Variants in APBA2 observed in about 807,000 individuals in gnomAD.
The protein encoded by APBA2 is amyloid beta precursor protein binding family A member 2.
A neutral mutation model predicts 75.0 loss-of-function variants in APBA2; 30 were observed. The observed-to-expected ratio is 0.40, with a 90% CI of 0.30 to 0.54. The LOEUF is 0.54. Among genes scored for constraint, APBA2 ranks in the 20% least tolerant of loss-of-function variants. The probability of loss-of-function intolerance (pLI) is 0.49; values close to 1 mark genes in which losing one functional copy is unlikely to be tolerated. For missense variants in APBA2, 801 were observed against 1,016.1 expected (o/e 0.79, Z 2.88); for synonymous variants, 444 against 409.6 (o/e 1.08, Z -1.01).
intron 6 of APBA2, among the ~76,000 whole-genome samples, chr15:29,085,397 C>T (rs943197832): frequency 3.3e-5 from 5 of 151,714 alleles, no homozygotes; most frequent in South Asian, 2.1e-4. Context: ...TGGTGGCGGG[C>T]GCCTATAGTC....
chr15:29,007,492 T>G (rs951612031), intron 3 of APBA2, among the ~76,000 whole-genome samples: 1 of 152,216 alleles, frequency 6.6e-6, no homozygotes, highest in Admixed American at 6.5e-5. Context: ...GATAAAGGGT[T>G]AATAGCCAGA....
chr15:29,065,980 C>T (rs1218899826), intron 4 of APBA2, among the ~76,000 whole-genome samples: 1 of 152,174 alleles, frequency 6.6e-6, no homozygotes, highest in Non-Finnish European at 1.5e-5. Context: ...TCGGGTGTGA[C>T]GTCAGGGTGG....
At position 28,991,716 on chromosome 15, in the gene APBA2, C is replaced by G. The variant is rs376378750; in HGVS notation, c.-94-4037C>G. ...TCTTTGATGCACCCTGATGCCTCCC[C>G]CATCCTGCTGACCATGGTGCTCAGC... is the stretch of plus-strand genomic sequence containing the variant. On this transcript the variant is annotated intron_variant, in intron 2 of 14. Coordinates refer to ENST00000683413, the MANE Select transcript of APBA2 (RefSeq NM_001353788.2). The surrounding 1 kb of genome is among the most constrained non-coding windows in gnomAD (Gnocchi z 4.7). 6.6e-6 allele frequency among the ~76,000 whole-genome samples: 1 copy of G among 152,212 alleles called. No homozygotes were observed. Among genetic ancestry groups the G allele is most frequent in the Non-Finnish European group, 1.5e-5 (1 of 68,038 alleles).
chr15:28,933,107 C>G (rs951833625), intron 2 of APBA2, among the ~76,000 whole-genome samples: 4 of 152,154 alleles, frequency 2.6e-5, no homozygotes, highest in African/African-American at 2.4e-5. Context: ...CTAACCCACT[C>G]TCGCGATAAT....
chr15:29,053,589 C>T (rs927972966), intron 3 of APBA2, among the ~76,000 whole-genome samples: 2 of 152,056 alleles, frequency 1.3e-5, no homozygotes, highest in African/African-American at 4.8e-5. Flanking sequence ...TGGGGAGAGG[C>T]GTGTGTCCTC....
chr15:29,090,347 A>G (rs1352381672), intron 6 of APBA2, among the ~76,000 whole-genome samples: 1 of 152,196 alleles, frequency 6.6e-6, no homozygotes, highest in Non-Finnish European at 1.5e-5. Flanking sequence ...CCCCAGAGCT[A>G]CTGACGCTCA....
At chr15:28,913,976 G>A (rs2033553936) in intron 1 of APBA2, among the ~76,000 whole-genome samples, 1 of 152,176 alleles carries the variant, frequency 6.6e-6, no homozygotes, top group Non-Finnish European at 1.5e-5. Context: ...TAGGAACACT[G>A]GGGCCCTGGA....
intron 3 of APBA2, among the ~76,000 whole-genome samples, chr15:29,008,310 G>T (rs1378322637): frequency 6.6e-6 from 1 of 152,194 alleles, no homozygotes; most frequent in Admixed American, 6.5e-5. Context: ...GAGATGGATG[G>T]TCATGATGGT....
intron 3 of APBA2, among the ~76,000 whole-genome samples, chr15:29,051,908 T>C (rs1773013863): frequency 1.3e-5 from 2 of 152,184 alleles, no homozygotes; most frequent in South Asian, 4.1e-4. Context: ...CCTAAGGTCC[T>C]CACTGAGCCA....
chr15:29,057,084 C>T (rs1394430444), intron 4 of APBA2, among the ~76,000 whole-genome samples: 1 of 152,270 alleles, frequency 6.6e-6, no homozygotes, highest in East Asian at 1.9e-4. Flanking sequence ...ATGCTCACCT[C>T]TCTGATCCCA....
At chr15:28,971,705 A>G (rs907908249) in intron 2 of APBA2, among the ~76,000 whole-genome samples, 4 of 152,178 alleles carry the variant, frequency 2.6e-5, no homozygotes, top group Non-Finnish European at 4.4e-5. Flanking sequence ...GTGGAAGAAG[A>G]GGAAAATCTC....
Position 29,054,542 on chromosome 15 carries a change from G to C in APBA2, c.658G>C (p.Glu220Gln). 1 of 1,613,572 alleles carries C rather than the reference G, an allele frequency of 6.2e-7. No homozygotes were observed. Among genetic ancestry groups the C allele is most frequent in the Non-Finnish European group, 8.5e-7 (1 of 1,179,786 alleles). The change falls in exon 4 of 15, where the codon GAG becomes CAG. Residue 220 changes from glutamate (E) to glutamine (Q), a missense_variant. By Grantham distance (29) the Glu-to-Gln change is conservative. Around this residue, in one of 2 missense-constraint regions of APBA2, gnomAD observed 434 missense variants for 471.6 expected, o/e 0.92. Transcript: ENST00000683413. This position sits in a 1 kb window ranked among gnomAD's most constrained non-coding sequence, Gnocchi z 6.1. The part of the protein sequence containing the change: ...YRLRRGDGDL[E>Q]DQEEDIDQIV... Reference sequence around the variant, plus strand: ...CCTGAGGCGTGGGGATGGGGACCTGGAGGACCAGGAGGAGGACATTGACCA... The same window carrying C: ...CCTGAGGCGTGGGGATGGGGACCTGCAGGACCAGGAGGAGGACATTGACCA...
chr15:29,017,613 C>T (rs1266782174), intron 3 of APBA2, among the ~76,000 whole-genome samples: 13 of 152,006 alleles, frequency 8.6e-5, no homozygotes, highest in East Asian at 1.9e-4. Flanking sequence ...TCAAGTGATC[C>T]GTCCACCCTG....
Position 29,106,801 on chromosome 15 carries a change from C to T in APBA2, c.1899C>T (p.Thr633=), listed in dbSNP as rs929979288. 5.6e-6 allele frequency: 9 copies of T among 1,612,814 alleles called. No homozygotes were observed. Among genetic ancestry groups the T allele is most frequent in the Non-Finnish European group, 6.8e-6 (8 of 1,179,868 alleles). ...GTSLVGLPLA[T]CQGIIKGLKN... The stretch of plus-strand genomic sequence containing the variant: ...GCCTGGTGGGGCTGCCCCTCGCCAC[C>T]TGCCAAGGCATCATCAAGGTAGGCA... The change falls in exon 12 of 15, where the codon ACC becomes ACT. Residue 633 remains threonine, a synonymous_variant. Transcript: ENST00000683413.
intron 3 of APBA2, among the ~76,000 whole-genome samples, chr15:29,042,053 A>T (rs1293899007): frequency 6.6e-6 from 1 of 152,074 alleles, no homozygotes; most frequent in East Asian, 1.9e-4. Context: ...GTGCCTCATG[A>T]GGGCTGTGAG....
chr15:28,902,253 T>C (rs1224900761), intron 1 of APBA2, among the ~76,000 whole-genome samples: 1 of 152,068 alleles, frequency 6.6e-6, no homozygotes, highest in Admixed American at 6.6e-5. Flanking sequence ...CTGGGTGCTG[T>C]GGAGGGAGGA....
intron 2 of APBA2, among the ~76,000 whole-genome samples, chr15:28,962,096 C>G (rs962686600): frequency 6.6e-6 from 1 of 152,072 alleles, no homozygotes; most frequent in Admixed American, 6.6e-5. Flanking sequence ...GTCGTGAACT[C>G]CTGGGGCGTG....
At chr15:29,108,602 GATTGGGC>G in intron 13 of APBA2, 1 of 708,982 alleles carries the variant, frequency 1.4e-6, no homozygotes, top group Non-Finnish European at 2.3e-6. Flanking sequence ...CATGGCCGTG[GATTGGGC>G]CCCTCCAGCC....
chr15:29,103,699 G>T (rs1293230514), intron 10 of APBA2, among the ~76,000 whole-genome samples: 2 of 152,224 alleles, frequency 1.3e-5, no homozygotes, highest in Non-Finnish European at 2.9e-5. Context: ...GGGAGCCCAA[G>T]TGGAGTCCGA....
Sources: allele counts gnomAD v4.1 joint callset (sites outside exome capture counted in the v4.1 genomes callset), GRCh38; gene constraint gnomAD v4.1.1; regional missense constraint gnomAD v4.1.1; non-coding constraint Gnocchi (gnomAD v3.1); transcripts MANE v1.5; gene names NCBI Gene and HGNC (gene_info 2026-07-23, HGNC 2026-07-21).